PARP1: variants seen among roughly 807,000 people sequenced by gnomAD.
PARP1 encodes the protein poly(ADP-ribose) polymerase 1.
Under a neutral mutation model 118.7 loss-of-function variants are expected in PARP1, and 44 were observed. That is an observed-to-expected ratio of 0.37 (90% confidence interval 0.29 to 0.48). The LOEUF (loss-of-function observed/expected upper bound fraction) is 0.48, where lower values mean the gene tolerates loss of function less well. PARP1 is among the 20% of genes least tolerant of loss of function. The pLI is 0.99. For missense variants in PARP1, 1,100 were observed against 1,272.4 expected (o/e 0.86, Z 2.06); for synonymous variants, 492 against 483.2 (o/e 1.02, Z -0.24).
At chr1:226,376,187 A>C (rs1379846108) in intron 13 of PARP1, among the ~76,000 whole-genome samples, 2 of 152,220 alleles carry the variant, frequency 1.3e-5, no homozygotes, top group Non-Finnish European at 2.9e-5. Flanking sequence ...AAGATTTAGA[A>C]TTAAAATCTC....
chr1:226,367,242 T>C (rs375293025), intron 17 of PARP1: 1 of 558,364 alleles, frequency 1.8e-6, no homozygotes, highest in East Asian at 3.1e-5. Context: ...CAAGCTGAGG[T>C]GCTGGCTTGG....
intron 1 of PARP1, among the ~76,000 whole-genome samples, chr1:226,407,261 T>G (rs1665166940): frequency 6.6e-6 from 1 of 151,994 alleles, no homozygotes; most frequent in South Asian, 2.1e-4. Flanking sequence ...AGGCTCAAAG[T>G]GAATGTACTG....
chr1:226,374,744 A>G lies in PARP1; in HGVS notation c.1942-390T>C, dbSNP rs3219105. Among the ~76,000 whole-genome samples the G allele has an allele frequency of 5.4e-3, 824 of 152,344 alleles. 3 individuals carry two copies. Among genetic ancestry groups the G allele is most frequent in the Non-Finnish European group, 9.6e-3 (653 of 68,024 alleles). Reference sequence around the variant, plus strand: ...TTTGGAGCAATGGGACATGAAACTGATGGACAAATTCCTTCTCTTTTCTCT... The same window carrying G: ...TTTGGAGCAATGGGACATGAAACTGGTGGACAAATTCCTTCTCTTTTCTCT... On this transcript the variant is annotated intron_variant, in intron 13 of 22. Transcript: ENST00000366794.
At chr1:226,364,200 C>T (rs1300504768) in intron 19 of PARP1, 130 bp from the exon 20 acceptor site, 2 of 885,004 alleles carry the variant, frequency 2.3e-6, no homozygotes, top group Non-Finnish European at 3.7e-6. Context: ...TCTCACAATG[C>T]CCATGGTGAG....
chr1:226,392,950 A>G, intron 2 of PARP1: 1 of 1,573,724 alleles, frequency 6.4e-7, no homozygotes. Context: ...CTATCTTCCC[A>G]TCACTTCTAT....
In PARP1 at chr1:226,402,396, CAG is replaced by C. The variant is rs1201686809; in HGVS notation, c.121-19_121-18del. Reference sequence around the variant, plus strand: ...CATGGGCGACTAGAAGGAAGAGAAACAGAGGGAAGTAAGTAAGCAGTTAACTT... The same window carrying C: ...CATGGGCGACTAGAAGGAAGAGAAACAGGGAAGTAAGTAAGCAGTTAACTT... On this transcript the variant is annotated intron_variant, in intron 1 of 22. Transcript: ENST00000366794. 2 of 1,609,420 alleles carry C rather than the reference CAG, an allele frequency of 1.2e-6. No individual in the cohort carries two copies. The highest frequency in any genetic ancestry group is 1.7e-6 in the Non-Finnish European group (2 of 1,179,056).
intron 7 of PARP1, 117 bp downstream of exon 7, chr1:226,385,387 T>TA (rs1664694723): frequency 2.4e-6 from 2 of 836,366 alleles, no homozygotes; most frequent in Admixed American, 3.8e-5. Context: ...GACGCAGCTG[T>TA]AAAGAAGTCT....
chr1:226,380,031 C>A lies in PARP1; in HGVS notation c.1434G>T (p.Leu478Phe). The change falls in exon 10 of 23, where the codon TTG (leucine) becomes TTT (phenylalanine). Residue 478 changes from leucine to phenylalanine, a missense_variant. Around this residue, in one of 2 missense-constraint regions of PARP1, gnomAD observed 948 missense variants for 1,031.8 expected, o/e 0.92. Coordinates refer to ENST00000366794, the MANE Select transcript of PARP1 (RefSeq NM_001618.4). ...CCTTCACCTCTGCCCCCCAAGGGGA[C>A]AAGATGTGCGCTAAGAACAACTCCT... ...SLQELFLAHI[L>F]SPWGAEVKAE... 1 of 1,614,218 alleles carries A rather than the reference C, an allele frequency of 6.2e-7. No homozygotes were observed. The highest frequency in any genetic ancestry group is 1.3e-5 in the African/African-American group (1 of 75,056).
At chr1:226,363,058 G>C (rs778874882) in intron 21 of PARP1, 41 bp downstream of exon 21, 3 of 1,464,994 alleles carry the variant, frequency 2.0e-6, no homozygotes, top group African/African-American at 2.8e-5. Context: ...GTGCTGTCCA[G>C]GGTGCCTCGG....
chr1:226,396,469 G>T (rs1664921368), intron 2 of PARP1, among the ~76,000 whole-genome samples: 2 of 150,222 alleles, frequency 1.3e-5, no homozygotes, highest in African/African-American at 4.9e-5. Flanking sequence ...TCTCAATTCT[G>T]CAGGAAAGAA....
chr1:226,370,634 G>C, intron 14 of PARP1, 117 bp from the exon 15 acceptor site: 2 of 820,270 alleles, frequency 2.4e-6, no homozygotes, highest in Admixed American at 3.6e-5. Context: ...GAGCCTGCTG[G>C]GATTTCCTGA....
intron 2 of PARP1, chr1:226,392,646 A>G: frequency 1.9e-6 from 1 of 538,168 alleles, no homozygotes; most frequent in South Asian, 2.3e-5. Context: ...TTACCTTAAA[A>G]GCCTGGAAGC....
chr1:226,383,263 G>T, intron 7 of PARP1, 80 bp from the exon 8 acceptor site: 3 of 1,103,628 alleles, frequency 2.7e-6, no homozygotes, highest in Non-Finnish European at 4.1e-6. Context: ...GATTTGGCTT[G>T]TCCAAATCAA....
chr1:226,380,372 A>C (rs1664580273), intron 9 of PARP1, among the ~76,000 whole-genome samples: 1 of 152,184 alleles, frequency 6.6e-6, no homozygotes, highest in South Asian at 2.1e-4. Context: ...GCCTTCTCCA[A>C]ACCATTCTAC....
chr1:226,364,489 C>T, intron 19 of PARP1: 1 of 326,636 alleles, frequency 3.1e-6, no homozygotes, highest in Non-Finnish European at 6.0e-6. Flanking sequence ...GCCCGTTATA[C>T]ACTACTGCAC....
intron 2 of PARP1, among the ~76,000 whole-genome samples, chr1:226,398,527 TAA>T (rs59275599): frequency 0.43 from 58,710 of 138,084 alleles, 12,743 homozygotes; most frequent in East Asian, 0.81. Flanking sequence ...AAGACAGTCT[TAA>T]AAAAAAAAAA....
At chr1:226,404,053 C>T (rs1250072005) in intron 1 of PARP1, among the ~76,000 whole-genome samples, 1 of 152,202 alleles carries the variant, frequency 6.6e-6, no homozygotes, top group Non-Finnish European at 1.5e-5. Context: ...CTGGAATGCT[C>T]TCCAGCCCTG....
At chr1:226,364,580 G>C (rs1004308910) in intron 19 of PARP1, among the ~76,000 whole-genome samples, 1 of 152,216 alleles carries the variant, frequency 6.6e-6, no homozygotes, top group Non-Finnish European at 1.5e-5. Flanking sequence ...TCCTGTCCAG[G>C]TGGACCCATC....
chr1:226,368,177 C>G, intron 16 of PARP1, 22 bp downstream of exon 16: 1 of 1,614,056 alleles, frequency 6.2e-7, no homozygotes, highest in South Asian at 1.1e-5. Flanking sequence ...GACCTGCAGT[C>G]CCTTCTGAAC....
Sources: allele counts gnomAD v4.1 joint callset (sites outside exome capture counted in the v4.1 genomes callset), GRCh38; gene constraint gnomAD v4.1.1; regional missense constraint gnomAD v4.1.1; transcripts MANE v1.5; gene names NCBI Gene and HGNC (gene_info 2026-07-23, HGNC 2026-07-21).